ELF2: variants seen among roughly 807,000 people sequenced by gnomAD.
ELF2 encodes ETS-related transcription factor Elf-2.
A neutral mutation model predicts 54.8 loss-of-function variants in ELF2; 11 were observed. The observed-to-expected ratio is 0.20, with a 90% CI of 0.13 to 0.33. The LOEUF (loss-of-function observed/expected upper bound fraction) is 0.33. Ranked by LOEUF, ELF2 falls within the 10% of genes least tolerant of loss-of-function variation. ELF2 has a pLI of 1.00. For synonymous variants in ELF2, 203 were observed against 245.1 expected, an observed-to-expected ratio of 0.83 and a Z score of 1.61; for missense variants, 513 against 703.0, an observed-to-expected ratio of 0.73 and a Z score of 3.06.
rs76929242 is a variant in ELF2, at chr4:139,075,904, T to C, written c.239-2337A>G. ...ACATGAATATTTAAGAGTCTCTAAC[T>C]TGACAGATTTTTTTTAAGATGTCCC... On this transcript the variant is annotated intron_variant, in intron 4 of 9. Coordinates refer to ENST00000686138, the MANE Select transcript of ELF2 (RefSeq NM_001331036.3). Among the ~76,000 whole-genome samples, 1,064 of 152,334 alleles carry C rather than the reference T, an allele frequency of 7.0e-3. 15 individuals carry two copies. Among genetic ancestry groups the C allele is most frequent in the African/African-American group, 0.024 (1,011 of 41,574 alleles).
chr4:139,174,656 C>G (rs1742725957), intron 1 of ELF2, among the ~76,000 whole-genome samples: 1 of 152,018 alleles, frequency 6.6e-6, no homozygotes, highest in Admixed American at 6.6e-5. Context: ...GTCATTATTC[C>G]CTAAACAATA....
At chr4:139,146,197 G>A (rs1253150391) in intron 1 of ELF2, among the ~76,000 whole-genome samples, 1 of 152,154 alleles carries the variant, frequency 6.6e-6, no homozygotes, top group Non-Finnish European at 1.5e-5. Context: ...CAAAGTCAAT[G>A]AACACAAATC....
chr4:139,119,245 T>C (rs1736070320), intron 4 of ELF2, among the ~76,000 whole-genome samples: 1 of 152,230 alleles, frequency 6.6e-6, no homozygotes, highest in Admixed American at 6.5e-5. Flanking sequence ...GGAAATTTAT[T>C]TCCACGGCTT....
intron 4 of ELF2, among the ~76,000 whole-genome samples, chr4:139,120,933 C>T (rs1045673918): frequency 6.6e-6 from 1 of 151,962 alleles, no homozygotes; most frequent in African/African-American, 2.4e-5. Flanking sequence ...TGCATTTCAC[C>T]TACCTCCTAT....
At chr4:139,067,914 A>G (rs1187188608) in intron 6 of ELF2, 144 bp from the exon 7 acceptor site, 1 of 747,796 alleles carries the variant, frequency 1.3e-6, no homozygotes, top group Non-Finnish European at 2.1e-6. Flanking sequence ...CTGCTTCTAA[A>G]AGGAGTATTA....
chr4:139,164,128 GAA>G lies in ELF2; in HGVS notation c.-252+12837_-252+12838del, dbSNP rs905903274. Among the ~76,000 whole-genome samples, 3 of 145,740 alleles carry G rather than the reference GAA, an allele frequency of 2.1e-5. No individual in the cohort carries two copies. The Admixed American group carries it at 2.1e-4, about 10-fold the overall frequency. ...AGAAAGAGGGAGGAAGGGAGAGAGA[GAA>G]AGAGAAAGAAGAGAGAGAAAGAAAG... On this transcript the variant is annotated intron_variant, in intron 1 of 9. Transcript: ENST00000686138.
intron 3 of ELF2, among the ~76,000 whole-genome samples, chr4:139,132,310 CTTT>C (rs1267038994): frequency 6.6e-6 from 1 of 152,030 alleles, no homozygotes; most frequent in African/African-American, 2.4e-5. Context: ...AGATGAAAAT[CTTT>C]TTATTTTTCT....
Position 139,139,431 on chromosome 4 carries a change from T to A in ELF2, c.-185A>T. The A allele has an allele frequency of 8.1e-7, 1 of 1,229,814 alleles. No homozygotes were observed. Among genetic ancestry groups the A allele is most frequent in the Non-Finnish European group, 1.0e-6 (1 of 986,770 alleles). 76.2% of individuals were successfully genotyped at this position (1,229,814 alleles called of 1,614,324 possible). A position where few individuals can be genotyped will look rare whatever the true frequency, so the allele number is the denominator to read the frequency against. ...TACTTACAGTTTGTATGTTAAGTAGTCTAAGCATCCTTCACTATTTTCACA... is the reference window on the plus strand; with the variant it reads ...TACTTACAGTTTGTATGTTAAGTAGACTAAGCATCCTTCACTATTTTCACA... On this transcript the variant is annotated 5_prime_UTR_variant, in exon 2 of 10. Transcript: ENST00000686138.
intron 4 of ELF2, among the ~76,000 whole-genome samples, chr4:139,120,468 C>T (rs1736203289): frequency 6.6e-6 from 1 of 152,132 alleles, no homozygotes; most frequent in African/African-American, 2.4e-5. Context: ...ACATGGCTCA[C>T]TCTGTCACTC....
At position 139,164,568 on chromosome 4, in the gene ELF2, T is replaced by C. The variant is rs567807666; in HGVS notation, c.-252+12399A>G. ...AGGAGAATCACTTGAACCTGGGAAG[T>C]AGAGATTGCCGTGAGCCAAGACTAT... is the stretch of plus-strand genomic sequence containing the variant. On this transcript the variant is annotated intron_variant, in intron 1 of 9. Transcript: ENST00000686138. Among the ~76,000 whole-genome samples, 24 of 152,272 alleles carry C rather than the reference T, an allele frequency of 1.6e-4. No individual in the cohort carries two copies. The East Asian group carries it at 4.1e-3, about 26-fold the overall frequency.
At chr4:139,081,480 C>G (rs1446600020) in intron 4 of ELF2, among the ~76,000 whole-genome samples, 1 of 152,114 alleles carries the variant, frequency 6.6e-6, no homozygotes, top group Non-Finnish European at 1.5e-5. Flanking sequence ...GTATAAATAT[C>G]ATTCTACACT....
intron 1 of ELF2, among the ~76,000 whole-genome samples, chr4:139,160,036 A>C (rs1358635446): frequency 2.0e-5 from 3 of 152,182 alleles, no homozygotes; most frequent in Non-Finnish European, 4.4e-5. Context: ...GATGTGGAAG[A>C]TACTATAGCA....
At chr4:139,113,699 A>G (rs553028497) in intron 4 of ELF2, among the ~76,000 whole-genome samples, 1 of 152,074 alleles carries the variant, frequency 6.6e-6, no homozygotes, top group East Asian at 1.9e-4. Context: ...TACTAAAAAT[A>G]CAAAAATCAG....
chr4:139,167,988 GA>G (rs1741892819), intron 1 of ELF2, among the ~76,000 whole-genome samples: 1 of 152,214 alleles, frequency 6.6e-6, no homozygotes, highest in South Asian at 2.1e-4. Context: ...TAACTTGACA[GA>G]ACTTGACCTA....
At chr4:139,132,307 A>C (rs908921250) in intron 3 of ELF2, among the ~76,000 whole-genome samples, 3 of 152,198 alleles carry the variant, frequency 2.0e-5, no homozygotes, top group African/African-American at 7.2e-5. Context: ...ACCAGATGAA[A>C]ATCTTTTTAT....
At chr4:139,135,336 A>G (rs1387748804) in intron 3 of ELF2, among the ~76,000 whole-genome samples, 2 of 151,066 alleles carry the variant, frequency 1.3e-5, no homozygotes, top group Non-Finnish European at 2.9e-5. Flanking sequence ...TCTATCTTTC[A>G]AATACCACCA....
chr4:139,124,893 G>GA (rs997695176), intron 4 of ELF2, among the ~76,000 whole-genome samples: 21 of 151,264 alleles, frequency 1.4e-4, no homozygotes, highest in Middle Eastern at 3.5e-3. Flanking sequence ...TATACTCTCA[G>GA]AAAAAAAATA....
rs550896066 is a variant in ELF2 at position 139,139,505 on chromosome 4, C to T, written c.-251-8G>A. On this transcript the variant is annotated splice_polypyrimidine_tract_variant and splice_region_variant and intron_variant, in intron 1 of 9. Transcript: ENST00000686138. ...ACCAGTAGTTCTTTGGAACTGCCAG[C>T]GGGAGGGGAAAAAAGATAATATTAA... is the stretch of plus-strand genomic sequence containing the variant. 2.4e-5 allele frequency: 29 copies of T among 1,221,182 alleles called. No individual in the cohort carries two copies. Among genetic ancestry groups the T allele is most frequent in the African/African-American group, 1.6e-4 (10 of 64,124 alleles). 75.6% of individuals were successfully genotyped at this position (1,221,182 alleles called of 1,614,324 possible). A position where few individuals can be genotyped will look rare whatever the true frequency, so the allele number is the denominator to read the frequency against.
chr4:139,127,175 C>A (rs577215252), intron 3 of ELF2, among the ~76,000 whole-genome samples: 6 of 152,314 alleles, frequency 3.9e-5, no homozygotes, highest in African/African-American at 9.6e-5. Context: ...ACATTTCACC[C>A]CCCAGATGTG....
Sources: allele counts gnomAD v4.1 joint callset (sites outside exome capture counted in the v4.1 genomes callset), GRCh38; gene constraint gnomAD v4.1.1; transcripts MANE v1.5; gene names NCBI Gene and HGNC (gene_info 2026-07-23, HGNC 2026-07-21).